Variants in SPATA7 observed in about 807,000 individuals in gnomAD.
The protein encoded by SPATA7 is spermatogenesis-associated protein 7.
Under a neutral mutation model 51.8 loss-of-function variants are expected in SPATA7, and 43 were observed. That is an observed-to-expected ratio of 0.83 (90% CI 0.65 to 1.07). The LOEUF (loss-of-function observed/expected upper bound fraction) is 1.07, where lower values mean the gene tolerates loss of function less well. SPATA7 is among the 50% of genes least tolerant of loss of function. SPATA7 has a pLI of 0.00. For missense variants in SPATA7, 683 were observed against 701.3 expected, an observed-to-expected ratio of 0.97 and a Z score of 0.30; for synonymous variants, 230 against 252.8, an observed-to-expected ratio of 0.91 and a Z score of 0.86.
At chr14:88,391,258 C>A in intron 1 of SPATA7, 123 bp from the exon 2 acceptor site, 1 of 858,348 alleles carries the variant, frequency 1.2e-6, no homozygotes, top group Non-Finnish European at 1.8e-6. Flanking sequence ...AAAACGCAAT[C>A]ACCTTTTAGG....
chr14:88,391,423 T>C lies in SPATA7; in HGVS notation c.62T>C (p.Leu21Pro). 1 of 1,613,802 alleles carries C rather than the reference T, an allele frequency of 6.2e-7. No individual in the cohort carries two copies. Among genetic ancestry groups the C allele is most frequent in the Non-Finnish European group, 8.5e-7 (1 of 1,179,800 alleles). ...CTTCCCAGATATGGTCCACCGTGCC[T>C]ATTTAAAGGACACTTGAGCACCAAA... ...SVLPRYGPPC[L>P]FKGHLSTKSN... The change falls in exon 2 of 12, where the codon CTA becomes CCA. Residue 21 changes from leucine (L) to proline (P), a missense_variant. By Grantham distance (98) the Leu-to-Pro change is moderately conservative. Transcript: ENST00000393545.
At chr14:88,435,037 C>G (rs2077048189) in intron 10 of SPATA7, among the ~76,000 whole-genome samples, 2 of 152,162 alleles carry the variant, frequency 1.3e-5, no homozygotes, top group African/African-American at 4.8e-5. Context: ...TCTGTGGAGC[C>G]AGACACATCT....
chr14:88,432,815 G>T, intron 9 of SPATA7: 1 of 222,560 alleles, frequency 4.5e-6, no homozygotes. Context: ...CTTGCTCCCA[G>T]TGGATTGCAT....
At chr14:88,457,135 G>A (rs537702747), downstream of SPATA7, among the ~76,000 whole-genome samples, 63 of 152,280 alleles carry the variant, frequency 4.1e-4, no homozygotes, top group African/African-American at 1.4e-3. Context: ...TAGCCTTGTA[G>A]TATAATTTGA....
downstream of SPATA7, among the ~76,000 whole-genome samples, chr14:88,438,978 G>T (rs562423972): frequency 1.6e-4 from 24 of 152,296 alleles, no homozygotes; most frequent in Admixed American, 3.9e-4. Context: ...ACACTTAAGG[G>T]TTGGGAATAT....
chr14:88,446,643 A>G (rs2077214937), intron 3 of SPATA7, among the ~76,000 whole-genome samples: 2 of 151,102 alleles, frequency 1.3e-5, no homozygotes, highest in South Asian at 2.1e-4. Flanking sequence ...TTCCCTCTAC[A>G]CACTGCTTTG....
Position 88,385,839 on chromosome 14 carries a change from T to A in SPATA7, c.19+2T>A, listed in dbSNP as rs866837129. 6.2e-7 allele frequency: 1 copy of A among 1,601,950 alleles called. No individual in the cohort carries two copies. The highest frequency in any genetic ancestry group is 1.3e-5 in the African/African-American group (1 of 74,788). On this transcript the variant is annotated splice_donor_variant, in intron 1 of 11. Transcript: ENST00000393545. LOFTEE classifies it high-confidence loss of function. ...TAAGCATGGATGGCAGCCGGAGAGG[T>A]AAAGGGCAGCTGTCAGGGGCTACCG... is the stretch of plus-strand genomic sequence containing the variant.
intron 4 of SPATA7, among the ~76,000 whole-genome samples, chr14:88,409,079 G>T (rs768982858): frequency 1.3e-5 from 2 of 151,846 alleles, no homozygotes; most frequent in Non-Finnish European, 2.9e-5. Context: ...TTTTTCTTGT[G>T]TCTCTGCCAG....
intron 3 of SPATA7, among the ~76,000 whole-genome samples, chr14:88,450,795 T>C (rs1002152640): frequency 6.6e-6 from 1 of 152,244 alleles, no homozygotes; most frequent in Non-Finnish European, 1.5e-5. Flanking sequence ...CTTTTTGTGA[T>C]GAATTTCCCA....
At chr14:88,395,302 C>G (rs1191918143) in intron 3 of SPATA7, among the ~76,000 whole-genome samples, 1 of 151,130 alleles carries the variant, frequency 6.6e-6, no homozygotes, top group Non-Finnish European at 1.5e-5. Flanking sequence ...TTTTTATTTT[C>G]TCATTTAAAT....
chr14:88,402,628 A>G (rs572128616), intron 4 of SPATA7, among the ~76,000 whole-genome samples: 1 of 152,288 alleles, frequency 6.6e-6, no homozygotes, highest in South Asian at 2.1e-4. Context: ...AACCATAGAC[A>G]AAAATCAACT....
chr14:88,420,609 A>G (rs1376177873), intron 5 of SPATA7, among the ~76,000 whole-genome samples: 1 of 152,136 alleles, frequency 6.6e-6, no homozygotes, highest in African/African-American at 2.4e-5. Flanking sequence ...CTTAGCATTT[A>G]CAAAAATATA....
chr14:88,444,793 G>C (rs1200389064), intron 3 of SPATA7, among the ~76,000 whole-genome samples: 1 of 152,146 alleles, frequency 6.6e-6, no homozygotes, highest in Admixed American at 6.5e-5. Context: ...TCAGATAGTT[G>C]TAGATATGCG....
At chr14:88,448,446 C>T (rs1424712321) in intron 3 of SPATA7, among the ~76,000 whole-genome samples, 1 of 152,150 alleles carries the variant, frequency 6.6e-6, no homozygotes, top group Non-Finnish European at 1.5e-5. Context: ...TCCCGTAGCT[C>T]GGAGTAATTT....
chr14:88,424,282 A>G (rs2076730183), intron 5 of SPATA7, among the ~76,000 whole-genome samples: 2 of 152,224 alleles, frequency 1.3e-5, no homozygotes, highest in South Asian at 2.1e-4. Flanking sequence ...AGATTGGTAC[A>G]GTGGATTTTA....
chr14:88,456,544 A>G (rs1169761169), downstream of SPATA7, among the ~76,000 whole-genome samples: 1 of 152,080 alleles, frequency 6.6e-6, no homozygotes, highest in Non-Finnish European at 1.5e-5. Flanking sequence ...GTCTGTTCAT[A>G]TCCTTCGCCC....
chr14:88,405,704 A>C (rs1180436699), intron 4 of SPATA7, among the ~76,000 whole-genome samples: 1 of 152,180 alleles, frequency 6.6e-6, no homozygotes, highest in African/African-American at 2.4e-5. Flanking sequence ...GGAGAAAGCA[A>C]AGCAGTAGTT....
downstream of SPATA7, among the ~76,000 whole-genome samples, chr14:88,456,815 A>C (rs563671135): frequency 6.6e-6 from 1 of 152,258 alleles, no homozygotes; most frequent in South Asian, 2.1e-4. Flanking sequence ...TATGTCCTGA[A>C]AGGTATTGCC....
chr14:88,426,670 C>A lies in SPATA7; in HGVS notation c.811C>A (p.Gln271Lys). 6.2e-7 allele frequency: 1 copy of A among 1,613,476 alleles called. No homozygotes were observed. The change falls in exon 6 of 12, where the codon CAA becomes AAA. Residue 271 changes from glutamine (Q) to lysine (K), a missense_variant. Gln to Lys is a moderately conservative substitution (Grantham distance 53). Transcript: ENST00000393545. ...CAAAAGAAAAAAGGATTTTACAGAT[C>A]AACGGATAGAAGCTGAAACCCAGAC... is the stretch of plus-strand genomic sequence containing the variant. ...PAKRKKDFTD[Q>K]RIEAETQTEL...
Sources: allele counts gnomAD v4.1 joint callset (sites outside exome capture counted in the v4.1 genomes callset), GRCh38; gene constraint gnomAD v4.1.1; transcripts MANE v1.5; gene names NCBI Gene and HGNC (gene_info 2026-07-23, HGNC 2026-07-21).